Variants in CIT observed in about 807,000 individuals in gnomAD.
The protein encoded by CIT is citron rho-interacting serine/threonine kinase.
Under a neutral mutation model 272.7 loss-of-function variants are expected in CIT, and 79 were observed. That is an observed-to-expected ratio of 0.29 (90% CI 0.24 to 0.35). CIT has a LOEUF of 0.35. Among genes scored for constraint, CIT ranks in the 10% least tolerant of loss-of-function variants. The probability of loss-of-function intolerance (pLI) is 1.00; values close to 1 mark genes in which losing one functional copy is unlikely to be tolerated. For synonymous variants in CIT, 948 were observed against 995.6 expected (o/e 0.95, Z 0.90); for missense variants, 1,909 against 2,618.3 (o/e 0.73, Z 5.91).
At chr12:119,822,791 C>T (rs567860375) in intron 9 of CIT, 29 bp downstream of exon 9, 2 of 1,611,760 alleles carry the variant, frequency 1.2e-6, no homozygotes, top group Admixed American at 1.7e-5. Context: ...ATCCCAACAT[C>T]CCAAATTAAG....
chr12:119,732,371 C>G (rs997935211), intron 26 of CIT, among the ~76,000 whole-genome samples: 1 of 151,954 alleles, frequency 6.6e-6, no homozygotes, highest in African/African-American at 2.4e-5. Flanking sequence ...CAGATCCTAC[C>G]CCAAAAATGA....
chr12:119,701,819 G>A (rs763442325), intron 42 of CIT, 31 bp downstream of exon 42: 2 of 1,614,084 alleles, frequency 1.2e-6, no homozygotes, highest in Admixed American at 3.3e-5. Flanking sequence ...CCTGAGCCAT[G>A]GGTGGGTGCG....
intron 5 of CIT, among the ~76,000 whole-genome samples, chr12:119,848,960 T>C (rs1970019033): frequency 6.6e-6 from 1 of 152,070 alleles, no homozygotes; most frequent in Non-Finnish European, 1.5e-5. Flanking sequence ...CAGTGAGCCA[T>C]GTTCATGCCA....
intron 16 of CIT, among the ~76,000 whole-genome samples, chr12:119,775,246 C>G (rs1366669596): frequency 6.6e-6 from 1 of 152,194 alleles, no homozygotes; most frequent in Non-Finnish European, 1.5e-5. Context: ...GCACTCCAGC[C>G]TGGACAACAG....
chr12:119,870,094 C>G (rs930961657), intron 2 of CIT, among the ~76,000 whole-genome samples: 5 of 152,152 alleles, frequency 3.3e-5, no homozygotes, highest in African/African-American at 4.8e-5. Context: ...TCAAAGATGG[C>G]CTCCAACAGT....
At chr12:119,830,475 A>G (rs1968535682) in intron 7 of CIT, among the ~76,000 whole-genome samples, 1 of 152,064 alleles carries the variant, frequency 6.6e-6, no homozygotes, top group South Asian at 2.1e-4. Context: ...CTATTTATTT[A>G]CCAAGCAGTA....
chr12:119,803,960 C>G (rs142405762), intron 9 of CIT: 6 of 161,698 alleles, frequency 3.7e-5, no homozygotes, highest in Non-Finnish European at 5.2e-5. Context: ...CATACCCGGA[C>G]AAGTCGACTC....
chr12:119,766,980 A>C, intron 19 of CIT, 107 bp downstream of exon 19: 1 of 623,572 alleles, frequency 1.6e-6, no homozygotes, highest in East Asian at 3.0e-5. Flanking sequence ...TATTCACCCC[A>C]AACAGTACTT....
At chr12:119,840,054 T>C (rs1675407706) in intron 5 of CIT, among the ~76,000 whole-genome samples, 1 of 152,190 alleles carries the variant, frequency 6.6e-6, no homozygotes, top group Non-Finnish European at 1.5e-5. Flanking sequence ...CAGTGGCTCA[T>C]GCCAGGAATG....
At chr12:119,802,897 G>A (rs1381135624) in intron 10 of CIT, among the ~76,000 whole-genome samples, 4 of 152,108 alleles carry the variant, frequency 2.6e-5, no homozygotes, top group Admixed American at 2.0e-4. Flanking sequence ...CCGGGGATCT[G>A]CACTGCTGGA....
Position 119,713,768 on chromosome 12 carries a change from G to C in CIT, c.4307-120C>G. On this transcript the variant is annotated intron_variant, in intron 33 of 47. Transcript: ENST00000392521. This position sits in a 1 kb window ranked among gnomAD's most constrained non-coding sequence, Gnocchi z 5.2. ...GCCGGGCCCAGAGAGTCTGGCCCTG[G>C]CTTGCAGGTAGTCTCCTGAGCTTCC... 1.9e-6 allele frequency: 2 copies of C among 1,060,900 alleles called. No individual in the cohort carries two copies. Among genetic ancestry groups the C allele is most frequent in the Non-Finnish European group, 1.4e-6 (1 of 703,188 alleles). 65.7% of individuals were successfully genotyped at this position (1,060,900 alleles called of 1,614,324 possible).
At chr12:119,876,206 G>T in intron 1 of CIT, 25 bp from the exon 2 acceptor site, 1 of 1,476,750 alleles carries the variant, frequency 6.8e-7, no homozygotes, top group Non-Finnish European at 9.5e-7. Context: ...GAAAAGTCAA[G>T]TGTGTCCTAT....
chr12:119,706,082 T>G (rs1462980789), intron 40 of CIT, among the ~76,000 whole-genome samples: 4 of 143,282 alleles, frequency 2.8e-5, no homozygotes, highest in African/African-American at 1.1e-4. Flanking sequence ...AGAGCAAGAC[T>G]CTGTGTCAAA....
At chr12:119,851,937 G>A (rs532087712) in intron 4 of CIT, among the ~76,000 whole-genome samples, 69 of 152,308 alleles carry the variant, frequency 4.5e-4, no homozygotes, top group African/African-American at 1.5e-3. Context: ...GGAGGCTGTG[G>A]CAGGTGGATT....
rs966251457 is a variant in CIT, at chr12:119,857,569, T to C, written c.368A>G (p.Tyr123Cys). The change falls in exon 4 of 48, where the codon TAT (tyrosine) becomes TGT (cysteine). Residue 123 changes from tyrosine (Y) to cysteine (C), a missense_variant. This residue lies in a region of CIT where 529 missense variants were observed against 549.6 expected (regional missense o/e 0.96). Coordinates refer to ENST00000392521, the MANE Select transcript of CIT (RefSeq NM_001206999.2). ...VVREKATGDI[Y>C]AMKVMKKKAL... ...CTTCTTCTTCATCACTTTCATAGCA[T>C]AGATGTCCCCGGTTGCTTTCTCTCT... The C allele has an allele frequency of 1.2e-6, 2 of 1,614,170 alleles. No individual in the cohort carries two copies. Among genetic ancestry groups the C allele is most frequent in the Non-Finnish European group, 1.7e-6 (2 of 1,180,038 alleles).
intron 32 of CIT, among the ~76,000 whole-genome samples, chr12:119,716,773 C>T (rs1261049835): frequency 6.6e-6 from 1 of 152,202 alleles, no homozygotes; most frequent in African/African-American, 2.4e-5. Flanking sequence ...CCAGGCACAA[C>T]ACCCACAGAG....
At chr12:119,735,692 AAATTAAGAATAGACTGGTATCACCAT>A (rs1958713944) in intron 24 of CIT, among the ~76,000 whole-genome samples, 1 of 152,242 alleles carries the variant, frequency 6.6e-6, no homozygotes, top group African/African-American at 2.4e-5. Flanking sequence ...AAGAAAATGC[AAATTAAGAATAGACTGGTATCACCAT>A]CCACTAATTA....
intron 44 of CIT, chr12:119,699,858 G>A (rs1287400527): frequency 2.2e-6 from 1 of 455,978 alleles, no homozygotes; most frequent in East Asian, 6.9e-5. Flanking sequence ...TAGCCTCGAA[G>A]GGTATCTGGG....
chr12:119,824,256 T>C (rs1332488170), intron 8 of CIT, among the ~76,000 whole-genome samples: 1 of 151,880 alleles, frequency 6.6e-6, no homozygotes, highest in Admixed American at 6.6e-5. Context: ...ATCAAGAGCA[T>C]GGACTTCAGG....
Sources: gnomAD v4.1 joint callset for allele counts (sites outside exome capture counted in the v4.1 genomes callset) on GRCh38, gnomAD v4.1.1 for gene constraint, gnomAD v4.1.1 regional missense constraint, Gnocchi (gnomAD v3.1) non-coding constraint, MANE v1.5 for transcripts, NCBI Gene and HGNC (gene_info 2026-07-23, HGNC 2026-07-21) for gene names.